The following PCDHGA10 variants were observed in gnomAD, a reference collection of about 807,000 sequenced individuals.
The protein encoded by PCDHGA10 is protocadherin gamma-A10.
Under a neutral mutation model 59.5 loss-of-function variants are expected in PCDHGA10, and 42 were observed. The ratio of observed to expected loss-of-function variants is 0.71; its 90% CI spans 0.55 to 0.91. The LOEUF is 0.91. Ranked by LOEUF, PCDHGA10 falls within the 40% of genes least tolerant of loss-of-function variation. PCDHGA10 has a pLI of 0.00. For synonymous variants in PCDHGA10, 511 were observed against 517.2 expected (o/e 0.99, Z 0.16); for missense variants, 1,111 against 1,198.2 (o/e 0.93, Z 1.07).
Position 141,431,755 on chromosome 5 carries a change from AGTCCT to A in PCDHGA10, c.2436+16146_2436+16150del. On this transcript the variant is annotated intron_variant, in intron 1 of 3. Coordinates refer to ENST00000398610, the MANE Select transcript of PCDHGA10 (RefSeq NM_018913.3). This position sits in a 1 kb window ranked among gnomAD's most constrained non-coding sequence, Gnocchi z 4.8. ...ATGCAGGATATTCTGCGCGAGCCAA[AGTCCT>A]GATCACTGTTCTGGACGTGAACGAC... 6.2e-7 allele frequency: 1 copy of A among 1,614,238 alleles called. No individual in the cohort carries two copies. Among genetic ancestry groups the A allele is most frequent in the Non-Finnish European group, 8.5e-7 (1 of 1,180,048 alleles).
intron 1 of PCDHGA10, among the ~76,000 whole-genome samples, chr5:141,453,779 C>T (rs138335951): frequency 0.013 from 2,000 of 152,278 alleles, 24 homozygotes; most frequent in Non-Finnish European, 0.021. Flanking sequence ...ATTTTAGTTA[C>T]CATGGTATAT....
intron 1 of PCDHGA10, chr5:141,421,256 G>A (rs1205670837): frequency 1.2e-6 from 2 of 1,607,696 alleles, no homozygotes; most frequent in African/African-American, 1.3e-5. Flanking sequence ...CGCGGGGACC[G>A]CAGTCGGCTG....
intron 1 of PCDHGA10, chr5:141,478,160 G>GC (rs764598056): frequency 3.7e-6 from 6 of 1,613,948 alleles, no homozygotes. Flanking sequence ...CTCTGGCTCT[G>GC]CCCCCCGGGA....
intron 2 of PCDHGA10, among the ~76,000 whole-genome samples, chr5:141,500,410 C>G (rs2099800033): frequency 6.6e-6 from 1 of 151,774 alleles, no homozygotes; most frequent in Non-Finnish European, 1.5e-5. Flanking sequence ...GGGGTTTCAC[C>G]GTGTTAGCCA....
Position 141,477,202 on chromosome 5 carries a change from C to G in PCDHGA10, c.2437-17605C>G. 1 of 1,614,182 alleles carries G rather than the reference C, an allele frequency of 6.2e-7. No homozygotes were observed. The highest frequency in any genetic ancestry group is 1.1e-5 in the South Asian group (1 of 91,074). On this transcript the variant is annotated intron_variant, in intron 1 of 3. Transcript: ENST00000398610. This position sits in a 1 kb window ranked among gnomAD's most constrained non-coding sequence, Gnocchi z 4.9. ...TCACCTCCGTGTACAGCCCAGTACC[C>G]GAGGATGCCCCTCTGGGGACTGTCA...
chr5:141,420,099 C>T (rs750814136), intron 1 of PCDHGA10: 4 of 1,613,996 alleles, frequency 2.5e-6, no homozygotes, highest in South Asian at 2.2e-5. Flanking sequence ...AGTGAGGGAA[C>T]GTTGCCCTAT....
rs951029522 is a variant in PCDHGA10, at chr5:141,487,944, G to A, written c.2437-6863G>A. 6.6e-6 allele frequency among the ~76,000 whole-genome samples: 1 copy of A among 152,164 alleles called. No homozygotes were observed. Among genetic ancestry groups the A allele is most frequent in the Admixed American group, 6.5e-5 (1 of 15,282 alleles). On this transcript the variant is annotated intron_variant, in intron 1 of 3. Transcript: ENST00000398610. The surrounding 1 kb of genome is among the most constrained non-coding windows in gnomAD (Gnocchi z 5.0). ...ACAGTGCACAGGGTACAGTGCACCA[G>A]GCAGTCACTTGGACAAAGGTGGCTG...
At chr5:141,430,179 A>G (rs2097264770) in intron 1 of PCDHGA10, among the ~76,000 whole-genome samples, 1 of 152,158 alleles carries the variant, frequency 6.6e-6, no homozygotes, top group Admixed American at 6.5e-5. Flanking sequence ...ATTTTCCCCA[A>G]ATTATAGCTG....
intron 1 of PCDHGA10, chr5:141,441,396 C>T (rs2098244328): frequency 6.5e-6 from 1 of 154,724 alleles, no homozygotes; most frequent in Admixed American, 6.5e-5. Flanking sequence ...GGTATAACAT[C>T]AGCATCACTG....
Position 141,415,020 on chromosome 5 carries a change from C to T in PCDHGA10, c.1845C>T (p.Ala615=). The T allele has an allele frequency of 1.2e-6, 2 of 1,613,560 alleles. No individual in the cohort carries two copies. The highest frequency in any genetic ancestry group is 1.7e-6 in the Non-Finnish European group (2 of 1,179,994). Reference sequence around the variant, plus strand: ...GGCTGTCCTACCGTCTGCTCAAGGCCAGCGAGCCGGGACTCTTCGCGGTGG... The same window carrying T: ...GGCTGTCCTACCGTCTGCTCAAGGCTAGCGAGCCGGGACTCTTCGCGGTGG... ...NAWLSYRLLK[A]SEPGLFAVGE... is the part of the protein sequence containing the mutation. The change falls in exon 1 of 4, where the codon GCC becomes GCT. Residue 615 remains alanine (A), a synonymous_variant. Transcript: ENST00000398610.
rs766784928 is a variant in PCDHGA10, at chr5:141,431,447, G to T, written c.2436+15836G>T. ...GCGCACAGGCACCGCGCGCATCCGC[G>T]TGATGGTTCTGGATGCGAACGACAA... On this transcript the variant is annotated intron_variant, in intron 1 of 3. Coordinates refer to ENST00000398610, the MANE Select transcript of PCDHGA10 (RefSeq NM_018913.3). The surrounding 1 kb of genome is among the most constrained non-coding windows in gnomAD (Gnocchi z 4.8). 2 of 1,613,792 alleles carry T rather than the reference G, an allele frequency of 1.2e-6. No individual in the cohort carries two copies. The highest frequency in any genetic ancestry group is 1.7e-6 in the Non-Finnish European group (2 of 1,180,014).
intron 1 of PCDHGA10, among the ~76,000 whole-genome samples, chr5:141,454,458 G>A (rs535843071): frequency 5.3e-5 from 8 of 152,322 alleles, no homozygotes; most frequent in Non-Finnish European, 1.5e-5. Flanking sequence ...CCAGGCTGGA[G>A]TGCAATGGCA....
chr5:141,465,240 G>C (rs569146939), intron 1 of PCDHGA10, among the ~76,000 whole-genome samples: 22 of 152,168 alleles, frequency 1.4e-4, no homozygotes, highest in African/African-American at 5.3e-4. Flanking sequence ...TCAAGTTCAA[G>C]GCACTTTTGT....
In PCDHGA10 at chr5:141,477,491, C is replaced by T; in HGVS notation, c.2437-17316C>T. 1 of 1,614,154 alleles carries T rather than the reference C, an allele frequency of 6.2e-7. No homozygotes were observed. The highest frequency in any genetic ancestry group is 8.5e-7 in the Non-Finnish European group (1 of 1,180,022). On this transcript the variant is annotated intron_variant, in intron 1 of 3. Coordinates refer to ENST00000398610, the MANE Select transcript of PCDHGA10 (RefSeq NM_018913.3). The surrounding 1 kb of genome is among the most constrained non-coding windows in gnomAD (Gnocchi z 4.9). ...CAATGACAACCCTCCACAATCTTCT[C>T]AATCTTCCTACGACGTTTACATTGA...
rs1018384314 is a variant in PCDHGA10 at position 141,490,427 on chromosome 5, A to G, written c.2437-4380A>G. On this transcript the variant is annotated intron_variant, in intron 1 of 3. Coordinates refer to ENST00000398610, the MANE Select transcript of PCDHGA10 (RefSeq NM_018913.3). This position sits in a 1 kb window ranked among gnomAD's most constrained non-coding sequence, Gnocchi z 5.4. ...GATATCTCTCCGGACCTGCCATTTCAGATTAAGCCTTCTGAGAACCACTAC... is the reference window on the plus strand; with the variant it reads ...GATATCTCTCCGGACCTGCCATTTCGGATTAAGCCTTCTGAGAACCACTAC... 6.2e-7 allele frequency: 1 copy of G among 1,614,092 alleles called. No individual in the cohort carries two copies.
At chr5:141,423,203 T>A (rs2096720538) in intron 1 of PCDHGA10, 1 of 1,613,508 alleles carries the variant, frequency 6.2e-7, no homozygotes, top group African/African-American at 1.3e-5. Context: ...TCGGCCACCG[T>A]CACGCTCACC....
At chr5:141,456,224 A>ACT (rs1167290500) in intron 1 of PCDHGA10, among the ~76,000 whole-genome samples, 1 of 152,034 alleles carries the variant, frequency 6.6e-6, no homozygotes, top group Non-Finnish European at 1.5e-5. Context: ...GCGATATCAA[A>ACT]CTAACTGCTG....
Position 141,486,880 on chromosome 5 carries a change from G to T in PCDHGA10, c.2437-7927G>T. On this transcript the variant is annotated intron_variant, in intron 1 of 3. Transcript: ENST00000398610. The surrounding 1 kb of genome is among the most constrained non-coding windows in gnomAD (Gnocchi z 5.0). The stretch of plus-strand genomic sequence containing the variant: ...ATGCTCCAGCTGTGCTCCGTCCTCG[G>T]GCCCGGCCTGGTTCCTTATGTCCCC... The T allele has an allele frequency of 6.2e-7, 1 of 1,614,212 alleles. No homozygotes were observed. Among genetic ancestry groups the T allele is most frequent in the East Asian group, 2.2e-5 (1 of 44,882 alleles).
At chr5:141,445,632 T>C (rs940642775) in intron 1 of PCDHGA10, among the ~76,000 whole-genome samples, 19 of 152,116 alleles carry the variant, frequency 1.2e-4, no homozygotes, top group Admixed American at 1.1e-3. Flanking sequence ...GAAAGTGATA[T>C]TTAGAGAGAT....
Sources: allele counts gnomAD v4.1 joint callset (sites outside exome capture counted in the v4.1 genomes callset), GRCh38; gene constraint gnomAD v4.1.1; non-coding constraint Gnocchi (gnomAD v3.1); transcripts MANE v1.5; gene names NCBI Gene and HGNC (gene_info 2026-07-23, HGNC 2026-07-21).